SYN1: variants seen among roughly 807,000 people sequenced by gnomAD.
The protein encoded by SYN1 is synapsin I.
SYN1 carries 8 observed loss-of-function variants against 44.6 expected under a neutral mutation model. The observed-to-expected ratio is 0.18, with a 90% CI of 0.11 to 0.32. The LOEUF (loss-of-function observed/expected upper bound fraction) is 0.32, where lower values mean the gene tolerates loss of function less well. Ranked by LOEUF, SYN1 falls within the 10% of genes least tolerant of loss-of-function variation. The pLI, the probability that SYN1 is intolerant of heterozygous loss-of-function variation, is 1.00. For synonymous variants in SYN1, 275 were observed against 280.1 expected (o/e 0.98, Z 0.18); for missense variants, 451 against 639.4 (o/e 0.71, Z 3.18).
At chrX:47,577,637 G>A (rs2057782171) in intron 5 of SYN1, 136 bp from the exon 6 acceptor site, 1 of 544,861 alleles carries the variant, frequency 1.8e-6, no homozygotes, top group African/African-American at 2.3e-5. Context: ...TCAGAGACAG[G>A]CAGGCAGCAG....
At chrX:47,608,018 G>A (rs763573867) in intron 1 of SYN1, among the ~76,000 whole-genome samples, 17 of 107,871 alleles carry the variant, frequency 1.6e-4, no homozygotes, top group East Asian at 1.2e-3. Context: ...CAACAAGAGC[G>A]AGACTCCATC....
Position 47,619,762 on chromosome X carries a change from G to T in SYN1, c.-34C>A. ...CTTGGGGCAGGGGGTCCTAGGGGTG[G>T]TCTGGCCAGGAGCCGCGGGGGCGGA... On this transcript the variant is annotated 5_prime_UTR_variant, in exon 1 of 13. Coordinates refer to ENST00000295987, the MANE Select transcript of SYN1 (RefSeq NM_006950.3). The T allele has an allele frequency of 8.7e-7, 1 of 1,150,744 alleles. No homozygotes were observed. The highest frequency in any genetic ancestry group is 1.2e-6 in the Non-Finnish European group (1 of 862,681). The allele number at this position is 1,150,744 out of a possible 1,213,427, so 94.8% of individuals were successfully genotyped here.
chrX:47,583,972 G>C (rs918263385), intron 5 of SYN1, among the ~76,000 whole-genome samples: 1 of 112,032 alleles, frequency 8.9e-6, no homozygotes, highest in Admixed American at 9.4e-5. Context: ...TCTTGCAGTC[G>C]GTGGGAGAGA....
intron 5 of SYN1, among the ~76,000 whole-genome samples, chrX:47,581,530 C>T (rs1012970739): frequency 1.8e-5 from 2 of 111,739 alleles, no homozygotes; most frequent in Non-Finnish European, 3.8e-5. Flanking sequence ...TTCATTCACC[C>T]GCACCATTCC....
chrX:47,616,482 C>T (rs1201507354), intron 1 of SYN1, among the ~76,000 whole-genome samples: 1 of 111,628 alleles, frequency 9.0e-6, no homozygotes, highest in Admixed American at 9.5e-5. Flanking sequence ...ACGCAAAGGA[C>T]CTGCATGGAG....
Position 47,576,478 on chromosome X carries a change from G to C in SYN1, c.980+20C>G. ...GGCAAGGCAGGGGACCCCTTCCAGG[G>C]CTTTGGTCTCTCCACTCACATGTAG... On this transcript the variant is annotated intron_variant, in intron 7 of 12. Transcript: ENST00000295987. 1 of 1,212,217 alleles carries C rather than the reference G, an allele frequency of 8.2e-7. No homozygotes were observed. The highest frequency in any genetic ancestry group is 1.8e-5 in the South Asian group (1 of 57,040).
At chrX:47,587,254 G>A (rs6609534) in intron 5 of SYN1, among the ~76,000 whole-genome samples, 32,179 of 111,453 alleles carry the variant, frequency 0.29, 3,598 homozygotes, top group South Asian at 0.46. Flanking sequence ...ATCCAAACAC[G>A]TGGGTGTTAC....
chrX:47,585,320 T>C, intron 5 of SYN1: 1 of 1,211,354 alleles, frequency 8.3e-7, no homozygotes, highest in Non-Finnish European at 1.1e-6. Flanking sequence ...AGCGAGGAGT[T>C]TCTCATTGCT....
At chrX:47,601,777 C>A (rs2057880522) in intron 5 of SYN1, among the ~76,000 whole-genome samples, 1 of 111,868 alleles carries the variant, frequency 8.9e-6, no homozygotes, top group South Asian at 3.7e-4. Context: ...ACAAAATAAT[C>A]ACAAACTAAA....
At chrX:47,608,826 G>A (rs1245846516) in intron 1 of SYN1, among the ~76,000 whole-genome samples, 4 of 107,898 alleles carry the variant, frequency 3.7e-5, no homozygotes, top group Non-Finnish European at 5.8e-5. Context: ...GGGGGATGAG[G>A]GGGAGAGACA....
intron 5 of SYN1, chrX:47,585,569 A>T: frequency 8.3e-7 from 1 of 1,198,874 alleles, no homozygotes; most frequent in Non-Finnish European, 1.1e-6. Flanking sequence ...ACTCTTGCAC[A>T]TCACTACCTG....
At chrX:47,585,471 G>C (rs746960391) in intron 5 of SYN1, 6 of 1,191,963 alleles carry the variant, frequency 5.0e-6, no homozygotes, top group Non-Finnish European at 5.7e-6. Flanking sequence ...TCAGAAGGCC[G>C]GGCCTTTGGC....
At chrX:47,575,338 C>T (rs2057774393) in intron 9 of SYN1, 64 bp from the exon 10 acceptor site, 4 of 1,168,749 alleles carry the variant, frequency 3.4e-6, no homozygotes, top group Non-Finnish European at 4.6e-6. Flanking sequence ...GCAGTAACAC[C>T]GTGCTTTCAG....
At chrX:47,590,596 G>A (rs1180128683) in intron 5 of SYN1, among the ~76,000 whole-genome samples, 8 of 111,878 alleles carry the variant, frequency 7.2e-5, no homozygotes, top group Non-Finnish European at 1.3e-4. Context: ...CAGGTCCTTT[G>A]AGGGATAGAA....
intron 5 of SYN1, among the ~76,000 whole-genome samples, chrX:47,599,135 A>C (rs1205337275): frequency 2.7e-5 from 3 of 112,433 alleles, no homozygotes; most frequent in Non-Finnish European, 5.6e-5. Context: ...AAAAGAAGGC[A>C]TTACTAGAGG....
intron 1 of SYN1, among the ~76,000 whole-genome samples, chrX:47,613,006 G>A (rs1325416343): frequency 6.3e-5 from 7 of 110,481 alleles, no homozygotes; most frequent in African/African-American, 1.6e-4. Context: ...GGTGGCGCAC[G>A]CCTGTAATCC....
intron 1 of SYN1, among the ~76,000 whole-genome samples, chrX:47,612,821 A>G (rs766237009): frequency 2.7e-5 from 3 of 111,981 alleles, no homozygotes; most frequent in Non-Finnish European, 5.6e-5. Flanking sequence ...GTGGGCAGAC[A>G]CCTAGGAGTG....
intron 1 of SYN1, 27 bp downstream of exon 1, chrX:47,619,325 C>T (rs1192974585): frequency 2.5e-6 from 3 of 1,198,419 alleles, no homozygotes; most frequent in East Asian, 3.0e-5. Flanking sequence ...CCCAGGCCCA[C>T]GGGAGACGTC....
chrX:47,610,180 C>A (rs749806551), intron 1 of SYN1, among the ~76,000 whole-genome samples: 12 of 111,462 alleles, frequency 1.1e-4, no homozygotes, highest in Non-Finnish European at 2.1e-4. Flanking sequence ...GAATTTAATT[C>A]TACGTGGTGG....
Sources: gnomAD v4.1 joint callset for allele counts (sites outside exome capture counted in the v4.1 genomes callset) on GRCh38, gnomAD v4.1.1 for gene constraint, MANE v1.5 for transcripts, NCBI Gene and HGNC (gene_info 2026-07-23, HGNC 2026-07-21) for gene names.